SLC35F1: variants seen among roughly 807,000 people sequenced by gnomAD.
SLC35F1 encodes chromosome 6 open reading frame 169.
Under a neutral mutation model 48.7 loss-of-function variants are expected in SLC35F1, and 14 were observed. The ratio of observed to expected loss-of-function variants is 0.29; its 90% CI spans 0.19 to 0.45. SLC35F1 has a LOEUF of 0.45. Ranked by LOEUF, SLC35F1 falls within the 20% of genes least tolerant of loss-of-function variation. The probability of loss-of-function intolerance (pLI) is 1.00; values close to 1 mark genes in which losing one functional copy is unlikely to be tolerated. For synonymous variants in SLC35F1, 190 were observed against 202.2 expected (o/e 0.94, Z 0.51); for missense variants, 404 against 500.0 (o/e 0.81, Z 1.83).
At chr6:117,982,831 C>T (rs549963069) in intron 1 of SLC35F1, among the ~76,000 whole-genome samples, 5 of 152,206 alleles carry the variant, frequency 3.3e-5, no homozygotes, top group South Asian at 2.1e-4. Flanking sequence ...AACAAAAAAA[C>T]GTAGTTTTTT....
chr6:117,950,184 A>G lies in SLC35F1; in HGVS notation c.173+42285A>G, dbSNP rs183702560. On this transcript the variant is annotated intron_variant, in intron 1 of 7. Transcript: ENST00000360388. ...AGATATATTCCTCAAGATCTTTCAC[A>G]TTCTTTCCTAGCAACGAGTTTGACT... is the stretch of plus-strand genomic sequence containing the variant. 2.8e-4 allele frequency among the ~76,000 whole-genome samples: 43 copies of G among 152,232 alleles called. No homozygotes were observed. The East Asian group carries it at 4.4e-3, about 16-fold the overall frequency.
At chr6:118,175,307 G>A (rs932347325) in intron 2 of SLC35F1, among the ~76,000 whole-genome samples, 1 of 152,054 alleles carries the variant, frequency 6.6e-6, no homozygotes, top group African/African-American at 2.4e-5. Context: ...TCTCAGGCTG[G>A]GATGTGAAAA....
intron 2 of SLC35F1, among the ~76,000 whole-genome samples, chr6:118,188,916 TG>T (rs1316365288): frequency 6.6e-6 from 1 of 152,134 alleles, no homozygotes; most frequent in Non-Finnish European, 1.5e-5. Context: ...TTGACATTTT[TG>T]TTTGTTTGTT....
In SLC35F1 at chr6:118,316,940, A is replaced by T. The variant is rs1458888246; in HGVS notation, c.*2688A>T. The T allele has an allele frequency of 6.6e-6, 1 of 152,564 alleles. No individual in the cohort carries two copies. The highest frequency in any genetic ancestry group is 1.5e-5 in the Non-Finnish European group (1 of 68,018). 9.5% of individuals were successfully genotyped at this position (152,564 alleles called of 1,614,324 possible). On this transcript the variant is annotated 3_prime_UTR_variant, in exon 8 of 8. Transcript: ENST00000360388. ...GGAAAAAAAAAATCGCAAAGAACAA[A>T]TTCTTTTTCTGTGTAAAAAACACTG...
chr6:117,915,817 G>C (rs921426436), intron 1 of SLC35F1, among the ~76,000 whole-genome samples: 3 of 152,140 alleles, frequency 2.0e-5, no homozygotes, highest in African/African-American at 7.2e-5. Flanking sequence ...CAGTTAGGAG[G>C]CTACTGCAGT....
chr6:118,148,878 G>T (rs1443445509), intron 1 of SLC35F1, among the ~76,000 whole-genome samples: 1 of 152,120 alleles, frequency 6.6e-6, no homozygotes. Context: ...CTGGCAGATG[G>T]AATACAGTAA....
chr6:117,966,174 C>G (rs539957118), intron 1 of SLC35F1, among the ~76,000 whole-genome samples: 1 of 144,164 alleles, frequency 6.9e-6, no homozygotes, highest in African/African-American at 2.7e-5. Flanking sequence ...GCAGCGGTAC[C>G]CTGCTGGGGT....
At chr6:117,997,287 T>G (rs993255819) in intron 1 of SLC35F1, among the ~76,000 whole-genome samples, 3 of 152,152 alleles carry the variant, frequency 2.0e-5, no homozygotes, top group Non-Finnish European at 4.4e-5. Flanking sequence ...AAAGATCAAA[T>G]CTACGTCTGA....
rs1775701101 is a variant in SLC35F1 at position 117,907,487 on chromosome 6, C to T, written c.-240C>T. 4.0e-6 allele frequency: 1 copy of T among 248,654 alleles called. No homozygotes were observed. The highest frequency in any genetic ancestry group is 2.3e-5 in the African/African-American group (1 of 43,720). The allele number at this position is 248,654 out of a possible 1,614,324, so 15.4% of individuals were successfully genotyped here. A position where few individuals can be genotyped will look rare whatever the true frequency, so the allele number is the denominator to read the frequency against. ...GCGGCTCGGGAAGAGCCGGGGCGGG[C>T]GGCGGCGGCGGCGGCACGGGCGCGA... On this transcript the variant is annotated 5_prime_UTR_variant, in exon 1 of 8. Coordinates refer to ENST00000360388, the MANE Select transcript of SLC35F1 (RefSeq NM_001029858.4).
At chr6:117,908,726 A>G (rs1394532326) in intron 1 of SLC35F1, among the ~76,000 whole-genome samples, 1 of 152,194 alleles carries the variant, frequency 6.6e-6, no homozygotes, top group Non-Finnish European at 1.5e-5. Context: ...TGTGAAAGGG[A>G]CTTTTTCTAC....
intron 1 of SLC35F1, among the ~76,000 whole-genome samples, chr6:118,067,225 C>A (rs890496296): frequency 6.6e-6 from 1 of 152,112 alleles, no homozygotes; most frequent in African/African-American, 2.4e-5. Flanking sequence ...GCAAGAGGAA[C>A]TGCAGATTTG....
intron 2 of SLC35F1, among the ~76,000 whole-genome samples, chr6:118,215,961 G>A (rs1775065669): frequency 6.6e-6 from 1 of 152,018 alleles, no homozygotes; most frequent in African/African-American, 2.4e-5. Flanking sequence ...ATGTTAAAGT[G>A]TACTTTGTAT....
intron 1 of SLC35F1, among the ~76,000 whole-genome samples, chr6:117,914,979 T>C (rs1775810077): frequency 6.6e-6 from 1 of 152,190 alleles, no homozygotes; most frequent in African/African-American, 2.4e-5. Flanking sequence ...GAGAACAGAT[T>C]TGAATCCCAT....
At chr6:118,121,041 G>T (rs1773546454) in intron 1 of SLC35F1, among the ~76,000 whole-genome samples, 1 of 152,022 alleles carries the variant, frequency 6.6e-6, no homozygotes, top group Non-Finnish European at 1.5e-5. Flanking sequence ...TTTCAAAGAA[G>T]ATAGGGTGCC....
At chr6:118,007,807 G>C (rs1336381645) in intron 1 of SLC35F1, among the ~76,000 whole-genome samples, 1 of 152,050 alleles carries the variant, frequency 6.6e-6, no homozygotes, top group Non-Finnish European at 1.5e-5. Flanking sequence ...GGTCTTCTTG[G>C]CTCATGTTGG....
intron 2 of SLC35F1, among the ~76,000 whole-genome samples, chr6:118,196,640 C>T (rs1167236401): frequency 2.0e-5 from 3 of 151,888 alleles, no homozygotes; most frequent in South Asian, 2.1e-4. Context: ...CACTTGAACC[C>T]GGGAGGTAGA....
chr6:117,997,118 G>A (rs562568686), intron 1 of SLC35F1, among the ~76,000 whole-genome samples: 44 of 152,230 alleles, frequency 2.9e-4, no homozygotes, highest in Non-Finnish European at 5.4e-4. Context: ...CGAGAACTAC[G>A]TGAAGAATGC....
In SLC35F1 at chr6:118,085,777, G is replaced by A. The variant is rs140764932; in HGVS notation, c.174-68668G>A. Among the ~76,000 whole-genome samples the A allele has an allele frequency of 4.5e-3, 692 of 152,194 alleles. 5 individuals carry two copies. The highest frequency in any genetic ancestry group is 0.015 in the African/African-American group (635 of 41,524). ...GTAGGAAGTTTCTCACCGTGGAGGA[G>A]TTCAAACATAAGTTGAGTTACAAAC... On this transcript the variant is annotated intron_variant, in intron 1 of 7. Transcript: ENST00000360388.
intron 7 of SLC35F1, among the ~76,000 whole-genome samples, chr6:118,310,241 C>A (rs1776357458): frequency 6.6e-6 from 1 of 152,200 alleles, no homozygotes; most frequent in South Asian, 2.1e-4. Flanking sequence ...GCCTGAGCTT[C>A]CCTTACCTGT....
Sources: gnomAD v4.1 joint callset for allele counts (sites outside exome capture counted in the v4.1 genomes callset) on GRCh38, gnomAD v4.1.1 for gene constraint, MANE v1.5 for transcripts, NCBI Gene and HGNC (gene_info 2026-07-23, HGNC 2026-07-21) for gene names.